EDAR: variants seen among roughly 807,000 people sequenced by gnomAD.
EDAR encodes the protein tumor necrosis factor receptor superfamily member EDAR.
Under a neutral mutation model 51.3 loss-of-function variants are expected in EDAR, and 38 were observed. The ratio of observed to expected loss-of-function variants is 0.74; its 90% CI spans 0.57 to 0.97. The LOEUF (loss-of-function observed/expected upper bound fraction) is 0.97, where lower values mean the gene tolerates loss of function less well. EDAR is among the 50% of genes least tolerant of loss of function. The pLI is 0.00. For synonymous variants in EDAR, 227 were observed against 242.1 expected, an observed-to-expected ratio of 0.94 and a Z score of 0.58; for missense variants, 528 against 595.0, an observed-to-expected ratio of 0.89 and a Z score of 1.17.
chr2:108,974,268 TG>T (rs1195516238), intron 1 of EDAR, among the ~76,000 whole-genome samples: 2 of 138,138 alleles, frequency 1.4e-5, no homozygotes, highest in East Asian at 4.3e-4. Context: ...AGGCGGAGCT[TG>T]CAGTGAGCTG....
At position 108,912,816 on chromosome 2, in the gene EDAR, A is replaced by G. The variant is rs765947487; in HGVS notation, c.443-52T>C. ...TGATCCAGAGAAGCTCCACCTTCAA[A>G]GACGCTGCCACAGAGCTCATGGATC... On this transcript the variant is annotated intron_variant, in intron 5 of 11. Transcript: ENST00000258443. 7 of 1,445,102 alleles carry G rather than the reference A, an allele frequency of 4.8e-6. No individual in the cohort carries two copies. In the South Asian group the frequency reaches 8.5e-5, roughly 18 times the overall value. The allele number at this position is 1,445,102 out of a possible 1,614,324, so 89.5% of individuals were successfully genotyped here.
In EDAR at chr2:108,894,508, A is replaced by AAGTT. The variant is rs1491110291; in HGVS notation, c.*2395_*2398dup. On this transcript the variant is annotated 3_prime_UTR_variant, in exon 12 of 12. Transcript: ENST00000258443. Reference sequence around the variant, plus strand: ...GTTTATTGAGATTATAAAATATAATAAGTTATATATATACAGAATTAGACA... The same window carrying AAGTT: ...GTTTATTGAGATTATAAAATATAATAAGTTAGTTATATATATACAGAATTAGACA... 2.0e-5 allele frequency: 3 copies of AAGTT among 152,376 alleles called. No homozygotes were observed. Among genetic ancestry groups the AAGTT allele is most frequent in the African/African-American group, 7.3e-5 (3 of 41,256 alleles). The allele number at this position is 152,376 out of a possible 1,614,324, so 9.4% of individuals were successfully genotyped here.
chr2:108,935,565 G>A (rs980473821), intron 1 of EDAR, among the ~76,000 whole-genome samples: 2 of 152,156 alleles, frequency 1.3e-5, no homozygotes, highest in African/African-American at 4.8e-5. Flanking sequence ...GGGAGCCCAG[G>A]AAGAAAGCCT....
At chr2:108,961,411 G>A (rs375732856) in intron 1 of EDAR, among the ~76,000 whole-genome samples, 8 of 152,136 alleles carry the variant, frequency 5.3e-5, no homozygotes, top group African/African-American at 1.9e-4. Flanking sequence ...AGGCAGGGAG[G>A]AGCCAGCATT....
intron 9 of EDAR, among the ~76,000 whole-genome samples, chr2:108,908,496 G>A (rs1342462208): frequency 2.0e-5 from 3 of 152,178 alleles, no homozygotes; most frequent in Non-Finnish European, 2.9e-5. Flanking sequence ...GCTGAATGGA[G>A]CCTTGTGCCT....
chr2:108,900,122 T>C (rs1218789320), intron 11 of EDAR, among the ~76,000 whole-genome samples: 2 of 152,062 alleles, frequency 1.3e-5, no homozygotes, highest in Non-Finnish European at 2.9e-5. Flanking sequence ...AATCGAATTC[T>C]GAAATATGTT....
chr2:108,920,244 C>T (rs1481164584), intron 5 of EDAR, among the ~76,000 whole-genome samples: 3 of 152,236 alleles, frequency 2.0e-5, no homozygotes, highest in African/African-American at 7.2e-5. Context: ...GCATCGCCCA[C>T]GTCATCACAT....
intron 11 of EDAR, among the ~76,000 whole-genome samples, chr2:108,904,703 A>C (rs1025114694): frequency 3.3e-5 from 5 of 152,208 alleles, no homozygotes; most frequent in African/African-American, 1.2e-4. Flanking sequence ...GAGTGAAAAA[A>C]GCCATTCACC....
chr2:108,914,860 C>T (rs1696997814), intron 5 of EDAR, among the ~76,000 whole-genome samples: 1 of 152,184 alleles, frequency 6.6e-6, no homozygotes, highest in African/African-American at 2.4e-5. Flanking sequence ...AGCACTGTGC[C>T]TGGTCAGCCC....
intron 1 of EDAR, among the ~76,000 whole-genome samples, chr2:108,953,550 A>G (rs549982674): frequency 1.3e-5 from 2 of 152,236 alleles, no homozygotes; most frequent in East Asian, 3.9e-4. Flanking sequence ...TTTGTTGTCC[A>G]ATACCTGATG....
Position 108,965,523 on chromosome 2 carries a change from G to C in EDAR, c.-19+23437C>G, listed in dbSNP as rs376885821. On this transcript the variant is annotated intron_variant, in intron 1 of 11. Transcript: ENST00000258443. ...TGTTCCCAGATACAGGTCTTTTGGG[G>C]AGAGAAAAACATTACAGACAGGAAG... Among the ~76,000 whole-genome samples, 3 of 152,170 alleles carry C rather than the reference G, an allele frequency of 2.0e-5. No individual in the cohort carries two copies. In the South Asian group the frequency reaches 6.2e-4, roughly 32 times the overall value.
chr2:108,968,520 T>C (rs906790749), intron 1 of EDAR, among the ~76,000 whole-genome samples: 1 of 152,130 alleles, frequency 6.6e-6, no homozygotes, highest in Non-Finnish European at 1.5e-5. Context: ...TTGTTGAGAA[T>C]TGGAGCAGAA....
chr2:108,969,900 C>T (rs1698207068), intron 1 of EDAR, among the ~76,000 whole-genome samples: 1 of 152,210 alleles, frequency 6.6e-6, no homozygotes, highest in Non-Finnish European at 1.5e-5. Context: ...GAGAAGGCTT[C>T]AGGAGAATCC....
chr2:108,904,394 CGG>C (rs1696763927), intron 11 of EDAR, among the ~76,000 whole-genome samples: 1 of 152,154 alleles, frequency 6.6e-6, no homozygotes, highest in Non-Finnish European at 1.5e-5. Context: ...CTTTAGAAAA[CGG>C]TTTGGCAGTT....
chr2:108,926,588 C>T (rs945550289), intron 4 of EDAR, among the ~76,000 whole-genome samples: 1 of 152,206 alleles, frequency 6.6e-6, no homozygotes, highest in Non-Finnish European at 1.5e-5. Flanking sequence ...TGGTGGAGCT[C>T]CTCCGGGGTG....
intron 5 of EDAR, among the ~76,000 whole-genome samples, chr2:108,920,618 A>T (rs1212310106): frequency 6.6e-6 from 1 of 152,206 alleles, no homozygotes; most frequent in East Asian, 1.9e-4. Flanking sequence ...CAAGGTGACA[A>T]CCAACCCACA....
rs1169890898 is a variant in EDAR, at chr2:108,962,700, A to AG, written c.-19+26259_-19+26260insC. Among the ~76,000 whole-genome samples the AG allele has an allele frequency of 6.5e-3, 842 of 128,858 alleles. 76 individuals are homozygous for AG. The highest frequency in any genetic ancestry group is 0.023 in the African/African-American group (764 of 33,776). 84.5% of individuals were successfully genotyped at this position (128,858 alleles called of 152,430 possible). On this transcript the variant is annotated intron_variant, in intron 1 of 11. Coordinates refer to ENST00000258443, the MANE Select transcript of EDAR (RefSeq NM_022336.4). ...AAAAAAAAAAAAAAAAAAAAAAAAA[A>AG]AGAGAGAAAGGAATGCAATTCAAGG...
intron 1 of EDAR, among the ~76,000 whole-genome samples, chr2:108,986,425 G>C (rs1283317243): frequency 6.6e-6 from 1 of 152,092 alleles, no homozygotes; most frequent in Non-Finnish European, 1.5e-5. Context: ...ATAATCCCTG[G>C]TGGCTGTCAT....
chr2:108,970,604 C>T (rs1466169569), intron 1 of EDAR, among the ~76,000 whole-genome samples: 1 of 152,076 alleles, frequency 6.6e-6, no homozygotes, highest in African/African-American at 2.4e-5. Flanking sequence ...CAGGGTGGGG[C>T]AGGGGACCAA....
Sources: allele counts gnomAD v4.1 joint callset (sites outside exome capture counted in the v4.1 genomes callset), GRCh38; gene constraint gnomAD v4.1.1; transcripts MANE v1.5; gene names NCBI Gene and HGNC (gene_info 2026-07-23, HGNC 2026-07-21).